NDST4: variants seen among roughly 807,000 people sequenced by gnomAD.
NDST4 encodes the protein N-heparan sulfate sulfotransferase 4.
In NDST4, 63 loss-of-function variants were observed where a neutral mutation model predicts 100.8. The observed-to-expected ratio is 0.62, with a 90% CI of 0.51 to 0.77. NDST4 has a LOEUF of 0.77. Ranked by LOEUF, NDST4 falls within the 30% of genes least tolerant of loss-of-function variation. The probability of loss-of-function intolerance (pLI) is 0.00; values close to 1 mark genes in which losing one functional copy is unlikely to be tolerated. For synonymous variants in NDST4, 377 were observed against 361.8 expected, an observed-to-expected ratio of 1.04 and a Z score of -0.48; for missense variants, 943 against 1,018.4, an observed-to-expected ratio of 0.93 and a Z score of 1.01.
At chr4:115,061,924 A>T (rs1211294540) in intron 2 of NDST4, among the ~76,000 whole-genome samples, 1 of 152,088 alleles carries the variant, frequency 6.6e-6, no homozygotes, top group Non-Finnish European at 1.5e-5. Context: ...AAAAAGTGAC[A>T]CTTCATTAGT....
At chr4:114,937,625 C>A (rs1251315758) in intron 4 of NDST4, 122 bp from the exon 5 acceptor site, 2 of 788,300 alleles carry the variant, frequency 2.5e-6, no homozygotes, top group African/African-American at 3.6e-5. Flanking sequence ...ATTAAAAATC[C>A]AGCAAGGTAG....
chr4:114,977,075 C>T, intron 3 of NDST4, 112 bp downstream of exon 3: 1 of 664,366 alleles, frequency 1.5e-6, no homozygotes, highest in Non-Finnish European at 2.5e-6. Flanking sequence ...AATAATGTGC[C>T]CAAGTTTTTC....
At chr4:114,948,363 A>G (rs908441856) in intron 4 of NDST4, among the ~76,000 whole-genome samples, 1 of 149,404 alleles carries the variant, frequency 6.7e-6, no homozygotes, top group African/African-American at 2.5e-5. Context: ...GATTGTTTGC[A>G]ATTTTGTGGA....
rs184773037 is a variant in NDST4 at position 115,069,600 on chromosome 4, A to T, written c.978+6459T>A. Among the ~76,000 whole-genome samples, 565 of 152,334 alleles carry T rather than the reference A, an allele frequency of 3.7e-3. 3 individuals are homozygous for T. Among genetic ancestry groups the T allele is most frequent in the South Asian group, 4.6e-3 (22 of 4,828 alleles). On this transcript the variant is annotated intron_variant, in intron 2 of 13. Transcript: ENST00000264363. ...AGAAATGCAAATCAAAACCACAATG[A>T]GATATCATCTCACACTAGTCAGGAT...
intron 12 of NDST4, 30 bp from the exon 13 acceptor site, chr4:114,829,922 A>G (rs1180985070): frequency 1.3e-6 from 2 of 1,523,582 alleles, no homozygotes; most frequent in South Asian, 2.4e-5. Flanking sequence ...ATGATTACAA[A>G]TTGTATGCAG....
intron 6 of NDST4, among the ~76,000 whole-genome samples, chr4:114,907,936 G>C (rs1724985697): frequency 6.6e-6 from 1 of 152,116 alleles, no homozygotes; most frequent in Admixed American, 6.6e-5. Flanking sequence ...AAGAAACGTG[G>C]AGCTATACTG....
intron 6 of NDST4, among the ~76,000 whole-genome samples, chr4:114,874,691 C>T (rs1724221825): frequency 6.6e-6 from 1 of 152,030 alleles, no homozygotes; most frequent in East Asian, 1.9e-4. Flanking sequence ...TTTAAACAAA[C>T]AAATAAAACC....
chr4:114,956,255 A>C, intron 4 of NDST4, among the ~76,000 whole-genome samples: 1 of 152,134 alleles, frequency 6.6e-6, no homozygotes, highest in Non-Finnish European at 1.5e-5. Flanking sequence ...TTTATCTCTG[A>C]GCAGTGGCAC....
intron 2 of NDST4, among the ~76,000 whole-genome samples, chr4:115,028,738 T>A (rs1472187489): frequency 6.6e-6 from 1 of 152,082 alleles, no homozygotes; most frequent in Non-Finnish European, 1.5e-5. Context: ...TAGTAGGTAT[T>A]TGGAGCACTT....
chr4:114,976,460 C>T (rs1000481013), intron 3 of NDST4, among the ~76,000 whole-genome samples: 5 of 137,488 alleles, frequency 3.6e-5, no homozygotes, highest in Admixed American at 2.2e-4. Flanking sequence ...TATTTCAATG[C>T]TAATATTCAG....
chr4:114,852,363 CAT>C (rs1029680366), intron 8 of NDST4, among the ~76,000 whole-genome samples: 47 of 152,078 alleles, frequency 3.1e-4, no homozygotes, highest in African/African-American at 9.9e-4. Flanking sequence ...CGGGCCAAAA[CAT>C]GTTTTTATAA....
intron 6 of NDST4, among the ~76,000 whole-genome samples, chr4:114,898,012 C>T (rs1416952025): frequency 3.9e-5 from 6 of 152,084 alleles, no homozygotes; most frequent in South Asian, 2.1e-4. Context: ...GGCTCATCTT[C>T]TCATTCTTTT....
At position 114,876,723 on chromosome 4, in the gene NDST4, G is replaced by A. The variant is rs550343158; in HGVS notation, c.1537-5773C>T. 2.0e-5 allele frequency among the ~76,000 whole-genome samples: 3 copies of A among 152,192 alleles called. No individual in the cohort carries two copies. In the East Asian group the frequency reaches 5.8e-4, roughly 29 times the overall value. On this transcript the variant is annotated intron_variant, in intron 6 of 13. Coordinates refer to ENST00000264363, the MANE Select transcript of NDST4 (RefSeq NM_022569.3). ...TTGCTCAATCTAAAAATGGTTCTCAGCTTGGAGTCTACTATTTAGATACAT... is the reference window on the plus strand; with the variant it reads ...TTGCTCAATCTAAAAATGGTTCTCAACTTGGAGTCTACTATTTAGATACAT...
intron 4 of NDST4, among the ~76,000 whole-genome samples, chr4:114,939,800 C>T (rs1294063705): frequency 6.6e-6 from 1 of 152,078 alleles, no homozygotes; most frequent in East Asian, 1.9e-4. Context: ...ATAAGGTCAT[C>T]TTATCACACT....
In NDST4 at chr4:115,008,432, G is replaced by A. The variant is rs536102061; in HGVS notation, c.979-31158C>T. On this transcript the variant is annotated intron_variant, in intron 2 of 13. Transcript: ENST00000264363. ...CACTCAGCATTTGCTTGTCTGTAAAGTATTTTATTTCTCCTTCACTTATGA... is the reference window on the plus strand; with the variant it reads ...CACTCAGCATTTGCTTGTCTGTAAAATATTTTATTTCTCCTTCACTTATGA... Among the ~76,000 whole-genome samples, 2 of 128,888 alleles carry A rather than the reference G, an allele frequency of 1.6e-5. 1 individual carries two copies. The highest frequency in any genetic ancestry group is 3.3e-5 in the Non-Finnish European group (2 of 60,300). 84.6% of individuals were successfully genotyped at this position (128,888 alleles called of 152,430 possible).
intron 6 of NDST4, among the ~76,000 whole-genome samples, chr4:114,928,492 C>G (rs1725429003): frequency 6.6e-6 from 1 of 152,100 alleles, no homozygotes; most frequent in Non-Finnish European, 1.5e-5. Flanking sequence ...TCTGTGTTCC[C>G]CATTTTCTTT....
intron 6 of NDST4, among the ~76,000 whole-genome samples, chr4:114,896,497 G>A (rs1053530193): frequency 3.3e-5 from 5 of 151,870 alleles, no homozygotes; most frequent in East Asian, 3.9e-4. Flanking sequence ...GGTGTCGGCC[G>A]CCTGTAGTCC....
At chr4:115,081,258 C>T (rs1413996149) in intron 1 of NDST4, among the ~76,000 whole-genome samples, 2 of 152,074 alleles carry the variant, frequency 1.3e-5, no homozygotes, top group East Asian at 3.9e-4. Context: ...GGTGTTTTAA[C>T]TAAAGGAGTT....
At chr4:114,909,669 C>CAAAA (rs773267929) in intron 6 of NDST4, among the ~76,000 whole-genome samples, 31 of 61,440 alleles carry the variant, frequency 5.0e-4, no homozygotes, top group African/African-American at 7.4e-4. Flanking sequence ...GACTCCGTCT[C>CAAAA]AAAAAAAAAA....
Sources: gnomAD v4.1 joint callset for allele counts (sites outside exome capture counted in the v4.1 genomes callset) on GRCh38, gnomAD v4.1.1 for gene constraint, MANE v1.5 for transcripts, NCBI Gene and HGNC (gene_info 2026-07-23, HGNC 2026-07-21) for gene names.